CNTNAP5: variants seen among roughly 807,000 people sequenced by gnomAD.
CNTNAP5 encodes the protein contactin-associated protein-like 5.
A neutral mutation model predicts 150.2 loss-of-function variants in CNTNAP5; 72 were observed. That is an observed-to-expected ratio of 0.48 (90% CI 0.40 to 0.58). The LOEUF is 0.58. CNTNAP5 is among the 20% of genes least tolerant of loss of function. The pLI is 0.00. For missense variants in CNTNAP5, 1,636 were observed against 1,626.2 expected, an observed-to-expected ratio of 1.01 and a Z score of -0.10; for synonymous variants, 672 against 619.8, an observed-to-expected ratio of 1.08 and a Z score of -1.25.
chr2:124,417,711 T>C (rs1178597423), intron 4 of CNTNAP5, 121 bp downstream of exon 4: 1 of 940,092 alleles, frequency 1.1e-6, no homozygotes, highest in Non-Finnish European at 1.6e-6. Context: ...TAGACTTTCA[T>C]ATGCATATTT....
intron 1 of CNTNAP5, among the ~76,000 whole-genome samples, chr2:124,055,896 A>G (rs1681833970): frequency 6.6e-6 from 1 of 151,868 alleles, no homozygotes; most frequent in Admixed American, 6.6e-5. Context: ...TTCTATCCTC[A>G]ATTCCCTCTC....
chr2:124,139,057 ATCT>A (rs1298120311), intron 1 of CNTNAP5, among the ~76,000 whole-genome samples: 3 of 152,062 alleles, frequency 2.0e-5, no homozygotes, highest in Non-Finnish European at 4.4e-5. Flanking sequence ...CAGCTGTTCA[ATCT>A]TCTTTTCATC....
chr2:124,056,511 T>G, intron 1 of CNTNAP5, among the ~76,000 whole-genome samples: 1 of 151,766 alleles, frequency 6.6e-6, no homozygotes. Flanking sequence ...CCGGCTGTGG[T>G]GGTGGGCTCC....
intron 3 of CNTNAP5, among the ~76,000 whole-genome samples, chr2:124,408,611 C>A (rs1266599570): frequency 2.0e-5 from 3 of 151,784 alleles, no homozygotes; most frequent in African/African-American, 7.2e-5. Flanking sequence ...GAGGCACCCC[C>A]CAGCAGGGGG....
chr2:124,574,547 A>T (rs1440181620), intron 11 of CNTNAP5, among the ~76,000 whole-genome samples: 1 of 152,254 alleles, frequency 6.6e-6, no homozygotes, highest in African/African-American at 2.4e-5. Flanking sequence ...AAAACAGGTT[A>T]AAACATGAGG....
At chr2:124,708,851 T>C (rs1303048879) in intron 13 of CNTNAP5, among the ~76,000 whole-genome samples, 1 of 152,334 alleles carries the variant, frequency 6.6e-6, no homozygotes. Context: ...CAATTGTTTA[T>C]GTCCATGCTA....
chr2:124,190,242 T>C (rs2104693377), intron 1 of CNTNAP5, among the ~76,000 whole-genome samples: 1 of 152,318 alleles, frequency 6.6e-6, no homozygotes, highest in Admixed American at 6.5e-5. Context: ...AGAGCCACTA[T>C]TAGGCTAACA....
chr2:124,565,943 T>C (rs1391948653), intron 11 of CNTNAP5, among the ~76,000 whole-genome samples: 1 of 125,180 alleles, frequency 8.0e-6, no homozygotes, highest in East Asian at 1.9e-4. Flanking sequence ...TTTTATCAAT[T>C]GAGGGATCCT....
At position 124,809,104 on chromosome 2, in the gene CNTNAP5, C is replaced by T. The variant is rs546102071; in HGVS notation, c.3217+10784C>T. ...CCCTCATTGAAAAAAATACTTTACC[C>T]ATATGATCACCAGACAGTAAAGCCC... On this transcript the variant is annotated intron_variant, in intron 19 of 23. Coordinates refer to ENST00000682447, the MANE Select transcript of CNTNAP5 (RefSeq NM_001367498.1). Among the ~76,000 whole-genome samples the T allele has an allele frequency of 4.6e-5, 7 of 152,154 alleles. No homozygotes were observed. The South Asian group carries it at 1.5e-3, about 32-fold the overall frequency.
At chr2:124,630,080 C>G (rs1677818176) in intron 12 of CNTNAP5, among the ~76,000 whole-genome samples, 1 of 151,598 alleles carries the variant, frequency 6.6e-6, no homozygotes, top group African/African-American at 2.4e-5. Context: ...CAATAAATAG[C>G]CTACCAACCA....
chr2:124,432,851 C>T (rs1422563067), intron 4 of CNTNAP5, among the ~76,000 whole-genome samples: 1 of 152,090 alleles, frequency 6.6e-6, no homozygotes, highest in Non-Finnish European at 1.5e-5. Context: ...ATAGAGTGGC[C>T]TTGATAGGAA....
At chr2:124,713,319 CTTTCTTTCTTTCTT>C (rs1558746952) in intron 13 of CNTNAP5, among the ~76,000 whole-genome samples, 1 of 5,484 alleles carries the variant, frequency 1.8e-4, no homozygotes, top group Non-Finnish European at 4.4e-4. Flanking sequence ...TCTTTCTTTC[CTTTCTTTCTTTCTT>C]TCTTTCTTTC....
At chr2:124,366,147 T>C (rs142156115) in intron 3 of CNTNAP5, among the ~76,000 whole-genome samples, 2 of 152,276 alleles carry the variant, frequency 1.3e-5, no homozygotes, top group Admixed American at 1.3e-4. Context: ...GTACTTGATT[T>C]CAGTCCAATT....
At chr2:124,383,022 G>GT (rs1690837733) in intron 3 of CNTNAP5, among the ~76,000 whole-genome samples, 1 of 152,120 alleles carries the variant, frequency 6.6e-6, no homozygotes, top group Non-Finnish European at 1.5e-5. Context: ...CCGCTGCGAA[G>GT]TTGCTCCCTT....
chr2:124,538,945 C>T (rs1375044858), intron 10 of CNTNAP5, among the ~76,000 whole-genome samples: 1 of 152,194 alleles, frequency 6.6e-6, no homozygotes, highest in African/African-American at 2.4e-5. Context: ...AGAGCACTGC[C>T]TTCTGCACAG....
At chr2:124,672,549 T>C (rs1048249589) in intron 13 of CNTNAP5, among the ~76,000 whole-genome samples, 1 of 152,198 alleles carries the variant, frequency 6.6e-6, no homozygotes, top group Non-Finnish European at 1.5e-5. Flanking sequence ...TGACCTTTGG[T>C]CCTCAAGGCC....
At chr2:124,820,640 G>A (rs1272378940) in intron 19 of CNTNAP5, among the ~76,000 whole-genome samples, 1 of 152,042 alleles carries the variant, frequency 6.6e-6, no homozygotes, top group African/African-American at 2.4e-5. Context: ...GAGTTGATGG[G>A]CTTCTAGTTT....
intron 1 of CNTNAP5, among the ~76,000 whole-genome samples, chr2:124,183,494 T>C (rs746448173): frequency 6.6e-6 from 1 of 152,208 alleles, no homozygotes; most frequent in Non-Finnish European, 1.5e-5. Flanking sequence ...GAATTGAACT[T>C]ATGTTATTGT....
chr2:124,471,491 C>T (rs572930092), intron 6 of CNTNAP5, among the ~76,000 whole-genome samples: 52 of 152,076 alleles, frequency 3.4e-4, no homozygotes, highest in African/African-American at 9.9e-4. Context: ...TTCTAGATAT[C>T]GGATTATGTC....
Sources: gnomAD v4.1 joint callset for allele counts (sites outside exome capture counted in the v4.1 genomes callset) on GRCh38, gnomAD v4.1.1 for gene constraint, MANE v1.5 for transcripts, NCBI Gene and HGNC (gene_info 2026-07-23, HGNC 2026-07-21) for gene names.